The following MYG1 variants were observed in gnomAD, a reference collection of about 807,000 sequenced individuals.
The protein encoded by MYG1 is UPF0160 protein MYG1, mitochondrial.
In MYG1, 36 loss-of-function variants were observed where a neutral mutation model predicts 43.5. The ratio of observed to expected loss-of-function variants is 0.83; its 90% CI spans 0.63 to 1.09. The LOEUF (loss-of-function observed/expected upper bound fraction) is 1.09, where lower values mean the gene tolerates loss of function less well. Among genes scored for constraint, MYG1 ranks in the 50% least tolerant of loss-of-function variants. The pLI is 0.00. For synonymous variants in MYG1, 220 were observed against 202.8 expected, an observed-to-expected ratio of 1.08 and a Z score of -0.72; for missense variants, 529 against 495.1, an observed-to-expected ratio of 1.07 and a Z score of -0.65.
Position 53,300,148 on chromosome 12 carries a change from A to G in MYG1, c.217-2A>G. ...GCCCCTTCACCCCTGTGTACCTCGC[A>G]GGATGCAGAGATTGTGCGGACCCGG... On this transcript the variant is annotated splice_acceptor_variant, in intron 1 of 6. Transcript: ENST00000267103. LOFTEE classifies it high-confidence loss of function. The G allele has an allele frequency of 6.3e-7, 1 of 1,593,784 alleles. No individual in the cohort carries two copies. Among genetic ancestry groups the G allele is most frequent in the Non-Finnish European group, 8.6e-7 (1 of 1,168,690 alleles).
At chr12:53,300,045 C>G (rs1325722102) in intron 1 of MYG1, 92 bp downstream of exon 1, 3 of 1,551,378 alleles carry the variant, frequency 1.9e-6, no homozygotes, top group African/African-American at 1.4e-5. Context: ...CGATAGCGCC[C>G]GGCAGCCCAA....
In MYG1 at chr12:53,305,848, T is replaced by C. The variant is rs1049505927; in HGVS notation, c.490-60T>C. 9 of 1,528,934 alleles carry C rather than the reference T, an allele frequency of 5.9e-6. 1 individual carries two copies. Among genetic ancestry groups the C allele is most frequent in the Middle Eastern group, 1.8e-4 (1 of 5,672 alleles). 94.7% of individuals were successfully genotyped at this position (1,528,934 alleles called of 1,614,324 possible). A position where few individuals can be genotyped will look rare whatever the true frequency, so the allele number is the denominator to read the frequency against. On this transcript the variant is annotated intron_variant, in intron 3 of 6. Coordinates refer to ENST00000267103, the MANE Select transcript of MYG1 (RefSeq NM_021640.4). ...GTGTGTATGAACATACTTTGAATCA[T>C]GTAAGATTTCACATAAGTAGCAGGT...
intron 3 of MYG1, among the ~76,000 whole-genome samples, chr12:53,305,204 C>G (rs1944264232): frequency 6.6e-6 from 1 of 152,160 alleles, no homozygotes; most frequent in Non-Finnish European, 1.5e-5. Context: ...GGTTGGGATC[C>G]AAACCAAGAA....
At chr12:53,306,646 C>G in intron 5 of MYG1, 34 bp from the exon 6 acceptor site, 1 of 1,594,266 alleles carries the variant, frequency 6.3e-7, no homozygotes, top group Non-Finnish European at 8.5e-7. Flanking sequence ...CCCAGCCTAC[C>G]TTAAACCTTC....
intron 2 of MYG1, among the ~76,000 whole-genome samples, chr12:53,301,621 C>T (rs188324212): frequency 5.3e-5 from 8 of 152,342 alleles, no homozygotes; most frequent in Non-Finnish European, 1.2e-4. Context: ...GTTACCTCAG[C>T]ACCAAACCAG....
At chr12:53,302,127 G>A (rs897671091) in intron 2 of MYG1, among the ~76,000 whole-genome samples, 7 of 152,130 alleles carry the variant, frequency 4.6e-5, no homozygotes, top group East Asian at 1.9e-4. Context: ...GACTACAGGC[G>A]TGTGCCACCA....
rs2121054024 is a variant in MYG1, at chr12:53,300,197, T to A, written c.264T>A (p.Cys88Ter). ...GGGATCCCGAAAAACTCGCTTCCTG[T>A]GACATCGTGGTGGACGTGGGGGGCG... The part of the protein sequence containing the change: ...RTRDPEKLAS[C>*]DIVVDVGGEY... Residue 88 changes from cysteine to a stop codon, truncating the protein, a stop_gained, in exon 2 of 7, where the codon TGT becomes TGA. Coordinates refer to ENST00000267103, the MANE Select transcript of MYG1 (RefSeq NM_021640.4). LOFTEE classifies it high-confidence loss of function. 6.2e-7 allele frequency: 1 copy of A among 1,607,292 alleles called. No individual in the cohort carries two copies. The highest frequency in any genetic ancestry group is 1.7e-4 in the Middle Eastern group (1 of 6,018).
Position 53,307,023 on chromosome 12 carries a change from TGG to T in MYG1, c.1007_1008del (p.Gly336AspfsTer43). ...GGGACGAGGCCCTGGACCAGGTCAG[TGG>T]GATCCCTGGCTGCATCTTCGTCCAT... ...LRDEALDQVS[G>X]IPGCIFVHAS... On this transcript the variant is annotated frameshift_variant, in exon 7 of 7. Transcript: ENST00000267103. LOFTEE classifies it high-confidence loss of function. 3 of 1,614,236 alleles carry T rather than the reference TGG, an allele frequency of 1.9e-6. No individual in the cohort carries two copies. Among genetic ancestry groups the T allele is most frequent in the Non-Finnish European group, 2.5e-6 (3 of 1,180,038 alleles).
rs1374396309 is a variant in MYG1 at position 53,306,861 on chromosome 12, G to A, written c.947G>A (p.Arg316Gln). 2.1e-5 allele frequency: 34 copies of A among 1,612,250 alleles called. No individual in the cohort carries two copies. The highest frequency in any genetic ancestry group is 3.3e-5 in the Admixed American group (2 of 59,838). ...VPKEPHSFQS[R>Q]LPLPEPWRGL... is the part of the protein sequence containing the mutation. ...AAGGAGCCCCACTCATTCCAAAGCC[G>A]GTGAGGCCCTAGGGAACCACTCTGC... Residue 316 changes from arginine to glutamine, a missense_variant and splice_region_variant, in exon 6 of 7, where the codon CGG (arginine) becomes CAG (glutamine). Physicochemically the swap from Arg to Gln is conservative, Grantham distance 43. Transcript: ENST00000267103.
rs1944210681 is a variant in MYG1, at chr12:53,299,882, A to T, written c.145A>T (p.Thr49Ser). 6.2e-7 allele frequency: 1 copy of T among 1,614,062 alleles called. No homozygotes were observed. Among genetic ancestry groups the T allele is most frequent in the African/African-American group, 1.3e-5 (1 of 74,930 alleles). ...ACTCATGGCACCGCCCCGAATCGGG[A>T]CGCACAATGGCACCTTCCACTGCGA... The part of the protein sequence containing the change: ...SKLMAPPRIG[T>S]HNGTFHCDEA... The change falls in exon 1 of 7, where the codon ACG becomes TCG. Residue 49 changes from threonine (T) to serine (S), a missense_variant. Thr to Ser is a moderately conservative substitution (Grantham distance 58, BLOSUM62 1). Transcript: ENST00000267103.
In MYG1 at chr12:53,300,070, C is replaced by T. The variant is rs944629154; in HGVS notation, c.217-80C>T. On this transcript the variant is annotated intron_variant, in intron 1 of 6. Transcript: ENST00000267103. ...CGGCAGCCCAAGCACCCTTCCTACC[C>T]TTCCTGCCTCCCTGAAGTCCAGCAT... is the stretch of plus-strand genomic sequence containing the variant. The T allele has an allele frequency of 9.9e-6, 15 of 1,522,770 alleles. No individual in the cohort carries two copies. In the African/African-American group the frequency reaches 1.8e-4, roughly 18 times the overall value. The allele number at this position is 1,522,770 out of a possible 1,614,324, so 94.3% of individuals were successfully genotyped here. A position where few individuals can be genotyped will look rare whatever the true frequency, so the allele number is the denominator to read the frequency against.
intron 2 of MYG1, among the ~76,000 whole-genome samples, chr12:53,301,567 C>G (rs1944232906): frequency 6.6e-6 from 1 of 152,222 alleles, no homozygotes; most frequent in Non-Finnish European, 1.5e-5. Flanking sequence ...CTCAAGCCCA[C>G]TCTCCCAGTG....
Position 53,306,211 on chromosome 12 carries a change from G to A in MYG1, c.656G>A (p.Arg219His), listed in dbSNP as rs1164880746. Reference protein sequence around the residue: ...PDQDTEAGFKRAMDLVQEEFL... With the variant: ...PDQDTEAGFKHAMDLVQEEFL... ...CATCATTCCCAGGCAGGGTTCAAGC[G>A]TGCAATGGATCTGGTTCAAGAGGAG... The change falls in exon 5 of 7, where the codon CGT (arginine) becomes CAT (histidine). Residue 219 changes from arginine (R) to histidine (H), a missense_variant. Physicochemically the swap from Arg to His is conservative, Grantham distance 29. Transcript: ENST00000267103. 8.1e-6 allele frequency: 13 copies of A among 1,614,244 alleles called. No homozygotes were observed. The highest frequency in any genetic ancestry group is 4.5e-5 in the East Asian group (2 of 44,888).
chr12:53,306,960 G>A lies in MYG1; in HGVS notation c.948-6G>A. On this transcript the variant is annotated splice_region_variant and splice_polypyrimidine_tract_variant and intron_variant, in intron 6 of 6. Coordinates refer to ENST00000267103, the MANE Select transcript of MYG1 (RefSeq NM_021640.4). ...GACCCCTGCTGTACTCCCTCTTTCT[G>A]CCCAGGCTGCCCCTGCCAGAGCCAT... The A allele has an allele frequency of 6.2e-7, 1 of 1,612,830 alleles. No homozygotes were observed. The highest frequency in any genetic ancestry group is 8.5e-7 in the Non-Finnish European group (1 of 1,179,212).
chr12:53,305,822 AG>A, intron 3 of MYG1, 85 bp from the exon 4 acceptor site: 1 of 1,472,472 alleles, frequency 6.8e-7, no homozygotes, highest in South Asian at 1.4e-5. Flanking sequence ...GGGCTGAAAG[AG>A]TGTGTATGAA....
rs757068780 is a variant in MYG1 at position 53,299,727 on chromosome 12, G to A, written c.-11G>A. 6.2e-7 allele frequency: 1 copy of A among 1,608,412 alleles called. No homozygotes were observed. The highest frequency in any genetic ancestry group is 1.1e-5 in the South Asian group (1 of 90,430). ...GGGTCGGCGCTCCTGCCTCCCTGCAGGGAGCTGCTTATGGGACACCAATTC... is the reference window on the plus strand; with the variant it reads ...GGGTCGGCGCTCCTGCCTCCCTGCAAGGAGCTGCTTATGGGACACCAATTC... On this transcript the variant is annotated 5_prime_UTR_variant, in exon 1 of 7. Transcript: ENST00000267103.
chr12:53,305,697 A>C, intron 3 of MYG1: 1 of 556,554 alleles, frequency 1.8e-6, no homozygotes, highest in Non-Finnish European at 3.0e-6. Flanking sequence ...CATGGATTAG[A>C]AATCAGGTGA....
intron 2 of MYG1, 40 bp from the exon 3 acceptor site, chr12:53,302,994 A>G: frequency 1.3e-6 from 2 of 1,544,036 alleles, no homozygotes. Flanking sequence ...GACTCTAGCC[A>G]AGGTCCCTCA....
At chr12:53,306,643 T>C (rs1191060585) in intron 5 of MYG1, 37 bp from the exon 6 acceptor site, 2 of 1,584,280 alleles carry the variant, frequency 1.3e-6, no homozygotes, top group South Asian at 1.2e-5. Context: ...ATGCCCAGCC[T>C]ACCTTAAACC....
Sources: allele counts gnomAD v4.1 joint callset (sites outside exome capture counted in the v4.1 genomes callset), GRCh38; gene constraint gnomAD v4.1.1; transcripts MANE v1.5; gene names NCBI Gene and HGNC (gene_info 2026-07-23, HGNC 2026-07-21).